PRKCB: variants seen among roughly 807,000 people sequenced by gnomAD.
PRKCB encodes the protein protein kinase C beta.
PRKCB carries 13 observed loss-of-function variants against 81.5 expected under a neutral mutation model. The observed-to-expected ratio is 0.16, with a 90% confidence interval of 0.10 to 0.25. The LOEUF is 0.25. PRKCB is among the 10% of genes least tolerant of loss of function. PRKCB has a pLI of 1.00. For synonymous variants in PRKCB, 335 were observed against 321.4 expected, an observed-to-expected ratio of 1.04 and a Z score of -0.45; for missense variants, 509 against 875.7, an observed-to-expected ratio of 0.58 and a Z score of 5.29.
intron 3 of PRKCB, among the ~76,000 whole-genome samples, chr16:24,004,175 G>T (rs1269953090): frequency 1.3e-5 from 2 of 152,142 alleles, no homozygotes; most frequent in African/African-American, 4.8e-5. Flanking sequence ...ATAGCAGAAT[G>T]TTACCCAACC....
intron 7 of PRKCB, among the ~76,000 whole-genome samples, chr16:24,102,503 G>A (rs1371347139): frequency 6.6e-6 from 1 of 152,168 alleles, no homozygotes; most frequent in Admixed American, 6.5e-5. Context: ...GGCTCCATCA[G>A]CTCTTCTGTT....
chr16:24,178,548 G>A (rs191351793), intron 12 of PRKCB, among the ~76,000 whole-genome samples: 18 of 152,352 alleles, frequency 1.2e-4, no homozygotes, highest in African/African-American at 4.3e-4. Flanking sequence ...CACTATTAGA[G>A]AAATCACATA....
At chr16:23,941,334 C>T (rs1427379861) in intron 2 of PRKCB, among the ~76,000 whole-genome samples, 1 of 152,128 alleles carries the variant, frequency 6.6e-6, no homozygotes, top group Non-Finnish European at 1.5e-5. Flanking sequence ...ACCTATATAA[C>T]AAATGATCCT....
Position 24,220,134 on chromosome 16 carries a change from T to A in PRKCB, c.*5318T>A. On this transcript the variant is annotated 3_prime_UTR_variant, in exon 17 of 17. Coordinates refer to ENST00000643927, the MANE Select transcript of PRKCB (RefSeq NM_002738.7). Reference sequence around the variant, plus strand: ...TGTAGGTGAATGCAAACTCCATCGTTGAGCCTGGGGTGTAAGACTTCAAGC... The same window carrying A: ...TGTAGGTGAATGCAAACTCCATCGTAGAGCCTGGGGTGTAAGACTTCAAGC... The A allele has an allele frequency of 1.9e-6, 3 of 1,613,766 alleles. No homozygotes were observed. Among genetic ancestry groups the A allele is most frequent in the Non-Finnish European group, 2.5e-6 (3 of 1,179,792 alleles).
intron 2 of PRKCB, among the ~76,000 whole-genome samples, chr16:23,901,149 T>G (rs1963466384): frequency 6.6e-6 from 1 of 152,146 alleles, no homozygotes; most frequent in South Asian, 2.1e-4. Context: ...TTGAAAAATA[T>G]TAATTGTGTC....
At position 24,090,425 on chromosome 16, in the gene PRKCB, G is replaced by C. The variant is rs77566170; in HGVS notation, c.530-2366G>C. ...CTTATTTATTTTCCAGCAATGGTCA[G>C]CTGTTTGAGTGTAGGAAAAGGACAG... On this transcript the variant is annotated intron_variant, in intron 5 of 16. Coordinates refer to ENST00000643927, the MANE Select transcript of PRKCB (RefSeq NM_002738.7). 3.6e-4 allele frequency among the ~76,000 whole-genome samples: 55 copies of C among 152,294 alleles called. 1 individual carries two copies. The East Asian group carries it at 9.6e-3, about 27-fold the overall frequency.
intron 7 of PRKCB, among the ~76,000 whole-genome samples, chr16:24,096,666 A>AAAAAATATATATATATATAT (rs1406204037): frequency 6.1e-5 from 2 of 32,712 alleles, no homozygotes; most frequent in African/African-American, 9.7e-5. Flanking sequence ...AAAAAAAAAA[A>AAAAAATATATATATATATAT]ATATATATAT....
chr16:23,872,214 C>G (rs1266755748), intron 2 of PRKCB, among the ~76,000 whole-genome samples: 2 of 152,186 alleles, frequency 1.3e-5, no homozygotes, highest in Non-Finnish European at 2.9e-5. Context: ...GGCTGCTTTT[C>G]CCTGAGTCCA....
intron 2 of PRKCB, among the ~76,000 whole-genome samples, chr16:23,867,508 C>CT (rs1257880371): frequency 3.9e-5 from 6 of 152,192 alleles, no homozygotes; most frequent in Admixed American, 2.0e-4. Context: ...TCCCTCCCCA[C>CT]TTTTTTATAA....
chr16:24,095,591 A>G (rs1044303932), intron 7 of PRKCB, among the ~76,000 whole-genome samples: 2 of 152,202 alleles, frequency 1.3e-5, no homozygotes, highest in Admixed American at 6.5e-5. Flanking sequence ...AAGGCTGATA[A>G]TAATCCATGT....
intron 9 of PRKCB, chr16:24,151,711 T>C: frequency 2.3e-6 from 1 of 439,280 alleles, no homozygotes; most frequent in South Asian, 1.6e-5. Context: ...GAACAGGATG[T>C]GGTCATGGAA....
intron 5 of PRKCB, among the ~76,000 whole-genome samples, chr16:24,072,565 ACTCT>A (rs1174505993): frequency 6.8e-6 from 1 of 146,228 alleles, no homozygotes; most frequent in Admixed American, 6.9e-5. Flanking sequence ...GCTTTCTTTA[ACTCT>A]CTCTTTCTCT....
At chr16:24,211,469 A>G (rs553777875) in intron 16 of PRKCB, among the ~76,000 whole-genome samples, 14 of 152,040 alleles carry the variant, frequency 9.2e-5, no homozygotes, top group Non-Finnish European at 1.8e-4. Flanking sequence ...TTTACAAAAG[A>G]GGAAACTGAA....
chr16:24,199,967 A>T (rs555131319), intron 16 of PRKCB, among the ~76,000 whole-genome samples: 2 of 152,254 alleles, frequency 1.3e-5, no homozygotes, highest in South Asian at 2.1e-4. Context: ...TGTCTGTTAC[A>T]TAATAGAAAA....
intron 2 of PRKCB, among the ~76,000 whole-genome samples, chr16:23,957,352 TAGCCCATAAACCTTGTA>T (rs1250348604): frequency 6.6e-6 from 1 of 152,224 alleles, no homozygotes; most frequent in Non-Finnish European, 1.5e-5. Context: ...AGTAAATGTG[TAGCCCATAAACCTTGTA>T]AGCCCTGGAA....
chr16:24,212,586 C>G (rs1231061083), intron 16 of PRKCB, among the ~76,000 whole-genome samples: 1 of 149,916 alleles, frequency 6.7e-6, no homozygotes. Context: ...AAGCAATTCT[C>G]TCACCTCAGT....
At chr16:24,016,372 G>T (rs1965277637) in intron 3 of PRKCB, among the ~76,000 whole-genome samples, 1 of 152,006 alleles carries the variant, frequency 6.6e-6, no homozygotes, top group African/African-American at 2.4e-5. Flanking sequence ...GCATACCCGG[G>T]CTAAGAGCTG....
Position 24,218,823 on chromosome 16 carries a change from T to C in PRKCB, c.*4007T>C, listed in dbSNP as rs41311256. ...GGGCACTAGGGAATACAAGGCCTTC[T>C]TCCCTGGTTGTCTTGTAATAAAACA... On this transcript the variant is annotated 3_prime_UTR_variant, in exon 17 of 17. Transcript: ENST00000643927. 0.066 allele frequency: 64,667 copies of C among 985,426 alleles called. 2,268 individuals carry two copies. The highest frequency in any genetic ancestry group is 0.072 in the Non-Finnish European group (59,443 of 829,936). The allele number at this position is 985,426 out of a possible 1,614,324, so 61.0% of individuals were successfully genotyped here. A position where few individuals can be genotyped will look rare whatever the true frequency, so the allele number is the denominator to read the frequency against.
chr16:24,180,107 G>A (rs1310904074), intron 12 of PRKCB, among the ~76,000 whole-genome samples: 3 of 152,092 alleles, frequency 2.0e-5, no homozygotes, highest in Non-Finnish European at 4.4e-5. Flanking sequence ...ACCACGCCCA[G>A]CTAATTTTTG....
Sources: allele counts gnomAD v4.1 joint callset (sites outside exome capture counted in the v4.1 genomes callset), GRCh38; gene constraint gnomAD v4.1.1; transcripts MANE v1.5; gene names NCBI Gene and HGNC (gene_info 2026-07-23, HGNC 2026-07-21).